The following KLHDC4 variants were observed in gnomAD, a reference collection of about 807,000 sequenced individuals.
The protein encoded by KLHDC4 is kelch domain containing 4, also known as kelch domain-containing protein 4.
In KLHDC4, 90 loss-of-function variants were observed where a neutral mutation model predicts 62.4. That is an observed-to-expected ratio of 1.44 (90% CI 1.22 to 1.72). The LOEUF is 1.72. Among genes scored for constraint, KLHDC4 ranks in the 40% most tolerant of loss-of-function variants. KLHDC4 has a pLI of 0.00. For synonymous variants in KLHDC4, 386 were observed against 284.4 expected (o/e 1.36, Z -3.59); for missense variants, 1,025 against 699.7 (o/e 1.47, Z -5.25).
chr16:87,726,880 G>C lies in KLHDC4; in HGVS notation c.644C>G (p.Thr215Ser). Residue 215 changes from threonine to serine, a missense_variant, in exon 7 of 12, where the codon ACC becomes AGC. Physicochemically the swap from Thr to Ser is moderately conservative, Grantham distance 58. Coordinates refer to ENST00000270583, the MANE Select transcript of KLHDC4 (RefSeq NM_017566.4). ...YNDVYAFNLD[T>S]FTWSKLSPSG... The stretch of plus-strand genomic sequence containing the variant: ...CGGGGACAGCTTGCTCCATGTGAAG[G>C]TGTCCAGATTAAAGGCATACACGTC... 7 of 1,613,878 alleles carry C rather than the reference G, an allele frequency of 4.3e-6. No individual in the cohort carries two copies. The highest frequency in any genetic ancestry group is 5.9e-6 in the Non-Finnish European group (7 of 1,179,878).
At chr16:87,704,040 G>C (rs2142884224), downstream of KLHDC4, among the ~76,000 whole-genome samples, 1 of 152,368 alleles carries the variant, frequency 6.6e-6, no homozygotes, top group Admixed American at 6.5e-5. Flanking sequence ...CTGAGGCCGT[G>C]ATCACAGCTA....
intron 4 of KLHDC4, among the ~76,000 whole-genome samples, chr16:87,750,042 G>A (rs1422288312): frequency 6.6e-6 from 1 of 152,120 alleles, no homozygotes; most frequent in Non-Finnish European, 1.5e-5. Context: ...ATCCCTGACG[G>A]GTCATCAGAC....
At chr16:87,732,400 G>A (rs1597589794) in intron 5 of KLHDC4, among the ~76,000 whole-genome samples, 1 of 152,130 alleles carries the variant, frequency 6.6e-6, no homozygotes, top group African/African-American at 2.4e-5. Context: ...CTGGTCAGGT[G>A]TGTATATTTC....
At chr16:87,743,658 T>C (rs2042583525) in intron 5 of KLHDC4, among the ~76,000 whole-genome samples, 1 of 151,636 alleles carries the variant, frequency 6.6e-6, no homozygotes, top group Non-Finnish European at 1.5e-5. Flanking sequence ...GATAATGGCG[T>C]GAACCCAGGA....
intron 8 of KLHDC4, among the ~76,000 whole-genome samples, chr16:87,712,454 C>T (rs1025300681): frequency 1.3e-5 from 2 of 152,234 alleles, no homozygotes; most frequent in African/African-American, 4.8e-5. Flanking sequence ...AGGACCCTCT[C>T]CGGTGACAGA....
At chr16:87,735,891 G>C (rs984134099) in intron 5 of KLHDC4, among the ~76,000 whole-genome samples, 1 of 152,222 alleles carries the variant, frequency 6.6e-6, no homozygotes, top group Non-Finnish European at 1.5e-5. Flanking sequence ...CCCTCGACTG[G>C]GCCGCTGTGG....
chr16:87,765,760 T>G (rs1032952438), intron 1 of KLHDC4, 32 bp downstream of exon 1: 4 of 1,547,692 alleles, frequency 2.6e-6, no homozygotes, highest in Admixed American at 1.9e-5. Context: ...GGCCGCGACG[T>G]CGGGCCGCTA....
At chr16:87,760,606 CAAAAAAAAAA>C (rs546426686) in intron 2 of KLHDC4, among the ~76,000 whole-genome samples, 2 of 52,162 alleles carry the variant, frequency 3.8e-5, no homozygotes, top group Admixed American at 2.3e-4. Flanking sequence ...GACTCCGTCC[CAAAAAAAAAA>C]AAAAAAAAAA....
intron 4 of KLHDC4, among the ~76,000 whole-genome samples, chr16:87,751,257 T>C (rs1392388755): frequency 1.3e-5 from 2 of 152,072 alleles, no homozygotes. Flanking sequence ...AGGTAGATCA[T>C]GAGGTCAGGA....
chr16:87,727,201 T>A (rs186034534), intron 6 of KLHDC4, among the ~76,000 whole-genome samples: 34 of 151,882 alleles, frequency 2.2e-4, no homozygotes, highest in Middle Eastern at 3.4e-3. Context: ...TAATTCAAGT[T>A]TGAATTGATA....
At chr16:87,707,411 G>A (rs558504331), downstream of KLHDC4, among the ~76,000 whole-genome samples, 15 of 152,318 alleles carry the variant, frequency 9.8e-5, no homozygotes, top group Admixed American at 2.6e-4. Context: ...ACCACGCGGC[G>A]GCAGGTGGCT....
At chr16:87,700,140 C>T (rs978729455) in exon 1 of KLHDC4, 1 of 152,474 alleles carries the variant, frequency 6.6e-6, no homozygotes, top group African/African-American at 2.4e-5. Context: ...CTCATACGTG[C>T]GACAGACGCT....
rs757166727 is a variant in KLHDC4, at chr16:87,741,069, A to G, written c.506+7604T>C. ...CCATTACCCCCCTCATTTCCAAACCATTATGACGTCAAGTATATGTGTCTG... is the reference window on the plus strand; with the variant it reads ...CCATTACCCCCCTCATTTCCAAACCGTTATGACGTCAAGTATATGTGTCTG... On this transcript the variant is annotated intron_variant, in intron 5 of 11. Transcript: ENST00000270583. 2.6e-5 allele frequency: 4 copies of G among 152,152 alleles called. No individual in the cohort carries two copies. The East Asian group carries it at 7.7e-4, about 29-fold the overall frequency. The allele number at this position is 152,152 out of a possible 1,614,324, so 9.4% of individuals were successfully genotyped here. A position where few individuals can be genotyped will look rare whatever the true frequency, so the allele number is the denominator to read the frequency against.
At chr16:87,761,369 G>C (rs1037158790) in intron 2 of KLHDC4, among the ~76,000 whole-genome samples, 3 of 152,184 alleles carry the variant, frequency 2.0e-5, no homozygotes, top group African/African-American at 7.2e-5. Flanking sequence ...TTCCACTAGG[G>C]CCTGCAGCAG....
downstream of KLHDC4, among the ~76,000 whole-genome samples, chr16:87,706,738 T>C (rs954920715): frequency 2.6e-5 from 4 of 152,136 alleles, no homozygotes; most frequent in Admixed American, 2.0e-4. Flanking sequence ...GCTCAGCACG[T>C]GCCCTGCTGT....
At chr16:87,733,420 G>A (rs528541381) in intron 5 of KLHDC4, among the ~76,000 whole-genome samples, 11 of 152,324 alleles carry the variant, frequency 7.2e-5, no homozygotes, top group African/African-American at 2.6e-4. Context: ...CAGAGGAGGC[G>A]GGGCACACAG....
intron 1 of KLHDC4, chr16:87,765,002 A>T (rs1457366245): frequency 4.9e-6 from 2 of 406,930 alleles, no homozygotes; most frequent in Non-Finnish European, 9.9e-6. Context: ...CCAGTTCCAT[A>T]CCACTTCATG....
At position 87,721,997 on chromosome 16, in the gene KLHDC4, G is replaced by A. The variant is rs115211096; in HGVS notation, c.759+4768C>T. Among the ~76,000 whole-genome samples the A allele has an allele frequency of 7.2e-3, 1,096 of 152,192 alleles. 21 individuals carry two copies. The highest frequency in any genetic ancestry group is 0.025 in the African/African-American group (1,052 of 41,504). On this transcript the variant is annotated intron_variant, in intron 7 of 11. Coordinates refer to ENST00000270583, the MANE Select transcript of KLHDC4 (RefSeq NM_017566.4). ...TTCCAAAGAGCTGTGCTGGTTCCCT[G>A]ACTCTCTAAAGGAACGAGAACTCCC...
intron 5 of KLHDC4, among the ~76,000 whole-genome samples, chr16:87,734,317 C>A (rs530406739): frequency 6.6e-6 from 1 of 152,022 alleles, no homozygotes; most frequent in Non-Finnish European, 1.5e-5. Flanking sequence ...GCACTCCAGT[C>A]TGGGCGATAG....
Sources: allele counts gnomAD v4.1 joint callset (sites outside exome capture counted in the v4.1 genomes callset), GRCh38; gene constraint gnomAD v4.1.1; transcripts MANE v1.5; gene names NCBI Gene and HGNC (gene_info 2026-07-23, HGNC 2026-07-21).